Variants in CREB1 observed in about 807,000 individuals in gnomAD.
The protein encoded by CREB1 is cAMP responsive element binding protein 1, also known as cyclic AMP-responsive element-binding protein 1.
In CREB1, 2 loss-of-function variants were observed where a neutral mutation model predicts 42.0. The observed-to-expected ratio is 0.05, with a 90% CI of 0.02 to 0.15. The LOEUF is 0.15. CREB1 is among the 10% of genes least tolerant of loss of function. CREB1 has a pLI of 1.00. For synonymous variants in CREB1, 123 were observed against 139.9 expected, an observed-to-expected ratio of 0.88 and a Z score of 0.85; for missense variants, 199 against 388.9, an observed-to-expected ratio of 0.51 and a Z score of 4.11.
intron 4 of CREB1, among the ~76,000 whole-genome samples, chr2:207,569,137 A>G (rs1338591855): frequency 6.6e-6 from 1 of 152,176 alleles, no homozygotes. Context: ...TTATATGGGC[A>G]TATAGATTGT....
At chr2:207,586,513 T>G (rs1486910882) in intron 7 of CREB1, among the ~76,000 whole-genome samples, 6 of 152,106 alleles carry the variant, frequency 3.9e-5, no homozygotes, top group Non-Finnish European at 8.8e-5. Context: ...TGGCAAAAAC[T>G]TCATGGCTAA....
At chr2:207,553,360 C>T (rs1559276957) in intron 1 of CREB1, among the ~76,000 whole-genome samples, 1 of 152,126 alleles carries the variant, frequency 6.6e-6, no homozygotes, top group Non-Finnish European at 1.5e-5. Context: ...TGAGCCATCG[C>T]GCCGGGCCCA....
intron 7 of CREB1, among the ~76,000 whole-genome samples, chr2:207,592,332 G>A (rs144025150): frequency 1.2e-3 from 176 of 152,188 alleles, no homozygotes; most frequent in Non-Finnish European, 2.0e-3. Flanking sequence ...ACTTAAACCC[G>A]GGAGGCAGAG....
intron 7 of CREB1, among the ~76,000 whole-genome samples, chr2:207,588,986 AT>A (rs1281074134): frequency 6.6e-6 from 1 of 151,468 alleles, no homozygotes; most frequent in African/African-American, 2.4e-5. Flanking sequence ...ATGCCTTTTA[AT>A]TTTTTTTCCT....
intron 4 of CREB1, among the ~76,000 whole-genome samples, chr2:207,568,404 G>C (rs1048082506): frequency 3.3e-5 from 5 of 151,912 alleles, no homozygotes; most frequent in African/African-American, 9.7e-5. Context: ...TTTAAGTATA[G>C]CTAGTGTTAG....
In CREB1 at chr2:207,552,042, CAAAAAAAA is replaced by C. The variant is rs71036931; in HGVS notation, c.-8-3568_-8-3561del. Reference sequence around the variant, plus strand: ...GGGCAACAAGAGCGAAACTCCGTCTCAAAAAAAAAAAAAAAAAAAAAAAAATTAAGAAG... The same window carrying C: ...GGGCAACAAGAGCGAAACTCCGTCTCAAAAAAAAAAAAAAAAATTAAGAAG... On this transcript the variant is annotated intron_variant, in intron 1 of 7. Coordinates refer to ENST00000353267, the MANE Select transcript of CREB1 (RefSeq NM_004379.5). Among the ~76,000 whole-genome samples the C allele has an allele frequency of 5.1e-3, 354 of 69,942 alleles. 1 individual carries two copies. The highest frequency in any genetic ancestry group is 6.7e-3 in the Non-Finnish European group (273 of 40,792). 45.9% of individuals were successfully genotyped at this position (69,942 alleles called of 152,430 possible). A position where few individuals can be genotyped will look rare whatever the true frequency, so the allele number is the denominator to read the frequency against.
At position 207,600,222 on chromosome 2, in the gene CREB1, GTATAATA is replaced by G. The variant is rs1382071680; in HGVS notation, c.*3168_*3174del. On this transcript the variant is annotated 3_prime_UTR_variant, in exon 8 of 8. Coordinates refer to ENST00000353267, the MANE Select transcript of CREB1 (RefSeq NM_004379.5). ...GATATTCTTGGGGGGGGTGGCATTT[GTATAATA>G]TATGTGTACATATATATATATATAT... The G allele has an allele frequency of 6.6e-6, 1 of 150,836 alleles. No individual in the cohort carries two copies. Among genetic ancestry groups the G allele is most frequent in the African/African-American group, 2.7e-5 (1 of 37,074 alleles). The allele number at this position is 150,836 out of a possible 1,614,324, so 9.3% of individuals were successfully genotyped here. A position where few individuals can be genotyped will look rare whatever the true frequency, so the allele number is the denominator to read the frequency against.
intron 3 of CREB1, chr2:207,561,171 G>A (rs2081942617): frequency 6.2e-7 from 1 of 1,607,604 alleles, no homozygotes; most frequent in Admixed American, 1.7e-5. Context: ...GTGAGTCCTA[G>A]GTCCTAGATT....
intron 4 of CREB1, among the ~76,000 whole-genome samples, chr2:207,569,783 C>T (rs1342712985): frequency 6.6e-6 from 1 of 151,952 alleles, no homozygotes; most frequent in Non-Finnish European, 1.5e-5. Context: ...GTGGCTCACA[C>T]CTGTAATCCC....
intron 4 of CREB1, 116 bp downstream of exon 4, chr2:207,567,679 C>G: frequency 6.9e-6 from 4 of 575,548 alleles, no homozygotes; most frequent in Non-Finnish European, 1.2e-5. Context: ...GATTACTTTT[C>G]TTCATCTTGA....
chr2:207,562,458 A>T (rs188745653), intron 3 of CREB1, among the ~76,000 whole-genome samples: 1 of 152,312 alleles, frequency 6.6e-6, no homozygotes, highest in East Asian at 1.9e-4. Flanking sequence ...TTTTATGGCC[A>T]TTAAGTATAG....
chr2:207,537,200 G>A (rs1002801532), intron 1 of CREB1, among the ~76,000 whole-genome samples: 3 of 151,858 alleles, frequency 2.0e-5, no homozygotes, highest in African/African-American at 7.3e-5. Context: ...GATTACAGGC[G>A]CCTGCCACCA....
Position 207,604,142 on chromosome 2 carries a change from C to T in CREB1, c.*7084C>T, listed in dbSNP as rs1424769534. Reference sequence around the variant, plus strand: ...AAATCGGAATCGGGTCACCCTGCCACGTTCAGGTGCTTGGACCTTCAGGAA... The same window carrying T: ...AAATCGGAATCGGGTCACCCTGCCATGTTCAGGTGCTTGGACCTTCAGGAA... On this transcript the variant is annotated 3_prime_UTR_variant, in exon 8 of 8. Transcript: ENST00000353267. Among the ~76,000 whole-genome samples, 2 of 152,210 alleles carry T rather than the reference C, an allele frequency of 1.3e-5. No individual in the cohort carries two copies. The highest frequency in any genetic ancestry group is 2.1e-4 in the South Asian group (1 of 4,830).
At chr2:207,569,171 A>G (rs2082256767) in intron 4 of CREB1, among the ~76,000 whole-genome samples, 1 of 150,818 alleles carries the variant, frequency 6.6e-6, no homozygotes, top group South Asian at 2.1e-4. Context: ...TTTCCTTTTT[A>G]TTTGTTTTTC....
At chr2:207,547,109 T>C (rs2081329391) in intron 1 of CREB1, among the ~76,000 whole-genome samples, 1 of 152,206 alleles carries the variant, frequency 6.6e-6, no homozygotes, top group South Asian at 2.1e-4. Context: ...TTATGACTCC[T>C]CCCATAACAT....
chr2:207,546,941 A>G (rs1261001365), intron 1 of CREB1, among the ~76,000 whole-genome samples: 1 of 152,212 alleles, frequency 6.6e-6, no homozygotes, highest in Non-Finnish European at 1.5e-5. Context: ...ATATTGCATA[A>G]TAGTCCACAT....
intron 7 of CREB1, among the ~76,000 whole-genome samples, chr2:207,595,872 C>G (rs999448041): frequency 3.9e-5 from 6 of 152,254 alleles, no homozygotes; most frequent in African/African-American, 1.4e-4. Context: ...CTTGCCTATT[C>G]TAGATCTTAA....
At chr2:207,581,314 G>T (rs2082928492) in intron 7 of CREB1, 2 of 197,334 alleles carry the variant, frequency 1.0e-5, no homozygotes, top group Non-Finnish European at 2.1e-5. Context: ...TATTTGATAT[G>T]AATTAAAATA....
At chr2:207,552,606 CTTT>C (rs1186619713) in intron 1 of CREB1, among the ~76,000 whole-genome samples, 2 of 136,604 alleles carry the variant, frequency 1.5e-5, no homozygotes, top group Admixed American at 7.3e-5. Context: ...TTGTGAATGT[CTTT>C]TTTTTTTTTT....
Sources: gnomAD v4.1 joint callset for allele counts (sites outside exome capture counted in the v4.1 genomes callset) on GRCh38, gnomAD v4.1.1 for gene constraint, MANE v1.5 for transcripts, NCBI Gene and HGNC (gene_info 2026-07-23, HGNC 2026-07-21) for gene names.